ESRP2: variants seen among roughly 807,000 people sequenced by gnomAD.
ESRP2 encodes the protein epithelial splicing regulatory protein 2.
In ESRP2, 48 loss-of-function variants were observed where a neutral mutation model predicts 78.6. The observed-to-expected ratio is 0.61, with a 90% confidence interval of 0.48 to 0.78. The LOEUF is 0.78. ESRP2 is among the 30% of genes least tolerant of loss of function. The pLI is 0.00. For synonymous variants in ESRP2, 383 were observed against 406.7 expected (o/e 0.94, Z 0.70); for missense variants, 863 against 965.9 (o/e 0.89, Z 1.41).
chr16:68,234,763 T>G (rs1488083509), intron 2 of ESRP2: 1 of 152,200 alleles, frequency 6.6e-6, no homozygotes, highest in Non-Finnish European at 1.5e-5. Flanking sequence ...GAACCCTCCC[T>G]GCCAATTCTG....
chr16:68,233,968 C>G, intron 3 of ESRP2, 26 bp downstream of exon 3: 1 of 1,610,678 alleles, frequency 6.2e-7, no homozygotes. Context: ...CACCCCACCC[C>G]ACCCGGTTTT....
Position 68,232,873 on chromosome 16 carries a change from A to G in ESRP2, c.656-58T>C. The G allele has an allele frequency of 1.1e-5, 17 of 1,609,830 alleles. No individual in the cohort carries two copies. The highest frequency in any genetic ancestry group is 1.4e-5 in the Non-Finnish European group (16 of 1,176,702). On this transcript the variant is annotated intron_variant, in intron 5 of 14. Transcript: ENST00000473183. This position sits in a 1 kb window ranked among gnomAD's most constrained non-coding sequence, Gnocchi z 5.2. ...CTGGTGGAGAGGGGTGTCCCCACCA[A>G]GTTCTGCAAAAAGTGGACAATTGAG...
At chr16:68,233,110 A>G (rs2042168858) in intron 5 of ESRP2, 3 of 610,780 alleles carry the variant, frequency 4.9e-6, no homozygotes, top group Non-Finnish European at 8.6e-6. Flanking sequence ...TAGACAGGAG[A>G]ATCGCTTGAA....
Position 68,235,775 on chromosome 16 carries a change from G to A in ESRP2, c.199-13C>T. On this transcript the variant is annotated splice_polypyrimidine_tract_variant and intron_variant, in intron 1 of 14. Transcript: ENST00000473183. This position sits in a 1 kb window ranked among gnomAD's most constrained non-coding sequence, Gnocchi z 5.5. ...GCAGCGTCCCCACCTGTGAGCGGCG[G>A]GGGAAACCGATCAGCCGCGCCCCTC... 1 of 1,609,814 alleles carries A rather than the reference G, an allele frequency of 6.2e-7. No homozygotes were observed. The highest frequency in any genetic ancestry group is 8.5e-7 in the Non-Finnish European group (1 of 1,178,742).
chr16:68,230,488 G>A lies in ESRP2; in HGVS notation c.1965C>T (p.Pro655=). 1 of 1,611,096 alleles carries A rather than the reference G, an allele frequency of 6.2e-7. No individual in the cohort carries two copies. Among genetic ancestry groups the A allele is most frequent in the Non-Finnish European group, 8.5e-7 (1 of 1,178,278 alleles). The change falls in exon 14 of 15, where the codon CCC becomes CCT. Residue 655 remains proline, a synonymous_variant. Coordinates refer to ENST00000473183, the MANE Select transcript of ESRP2 (RefSeq NM_024939.3). ...TTPTAALASA[P]TSVLSQSGAL... ...CTCCTGACTGGGACAACACTGAGGTGGGAGCAGAGGCCAGGGCAGCAGTGG... is the reference window on the plus strand; with the variant it reads ...CTCCTGACTGGGACAACACTGAGGTAGGAGCAGAGGCCAGGGCAGCAGTGG...
intron 2 of ESRP2, chr16:68,234,401 A>C: frequency 9.5e-6 from 3 of 316,868 alleles, no homozygotes; most frequent in East Asian, 6.5e-5. Context: ...CAGAGCAAAC[A>C]CCTGGAGTGG....
Position 68,232,162 on chromosome 16 carries a change from A to G in ESRP2, c.998-59T>C. The stretch of plus-strand genomic sequence containing the variant: ...TGCTCCTCCAGACACTCACCCATGC[A>G]GGGGAGCAGGCAGGCAAGGGGTGGT... On this transcript the variant is annotated intron_variant, in intron 9 of 14. Transcript: ENST00000473183. This position sits in a 1 kb window ranked among gnomAD's most constrained non-coding sequence, Gnocchi z 5.2. 1.2e-6 allele frequency: 2 copies of G among 1,612,634 alleles called. No homozygotes were observed. Among genetic ancestry groups the G allele is most frequent in the Non-Finnish European group, 1.7e-6 (2 of 1,179,108 alleles).
intron 4 of ESRP2, 135 bp from the exon 5 acceptor site, chr16:68,233,560 A>G (rs1191758763): frequency 1.3e-6 from 1 of 776,902 alleles, no homozygotes; most frequent in Non-Finnish European, 2.2e-6. Context: ...TCATGTGTGC[A>G]CATACAGATT....
chr16:68,231,020 T>C lies in ESRP2; in HGVS notation c.1719A>G (p.Ser573=). 1 of 1,591,548 alleles carries C rather than the reference T, an allele frequency of 6.3e-7. No individual in the cohort carries two copies. Among genetic ancestry groups the C allele is most frequent in the East Asian group, 2.2e-5 (1 of 44,724 alleles). The change falls in exon 13 of 15, where the codon TCA becomes TCG. Residue 573 remains serine, a synonymous_variant. Coordinates refer to ENST00000473183, the MANE Select transcript of ESRP2 (RefSeq NM_024939.3). This position sits in a 1 kb window ranked among gnomAD's most constrained non-coding sequence, Gnocchi z 6.0. ...CTTGGAAGGTGGTGTAGGTAGGTGGTGAGAGGCCTAGAGACGGAAGTAGAA... is the reference window on the plus strand; with the variant it reads ...CTTGGAAGGTGGTGTAGGTAGGTGGCGAGAGGCCTAGAGACGGAAGTAGAA... ...SPPPCKLPCL[S]PPTYTTFQAT...
rs540156390 is a variant in ESRP2, at chr16:68,231,966, C to T, written c.1135G>A (p.Glu379Lys). 1.8e-5 allele frequency: 29 copies of T among 1,614,100 alleles called. No homozygotes were observed. The highest frequency in any genetic ancestry group is 1.1e-4 in the East Asian group (5 of 44,870). Residue 379 changes from glutamate to lysine, a missense_variant, in exon 10 of 15, where the codon GAG (glutamate) becomes AAG (lysine). Transcript: ENST00000473183. The surrounding 1 kb of genome is among the most constrained non-coding windows in gnomAD (Gnocchi z 6.0). ...GGATGGCGCACAAAGAGCAGCCCCT[C>T]GGTACCCCCAGTCACTGGGCACTCT... ...GPECPVTGGT[E>K]GLLFVRHPDG... is the part of the protein sequence containing the mutation.
Position 68,231,284 on chromosome 16 carries a change from C to T in ESRP2, c.1605G>A (p.Glu535=), listed in dbSNP as rs568451834. 1.2e-5 allele frequency: 19 copies of T among 1,614,148 alleles called. No individual in the cohort carries two copies. In the South Asian group the frequency reaches 1.6e-4, roughly 14 times the overall value. Reference sequence around the variant, plus strand: ...AACAGGGGACCACCTCCACGTAGCGCTCCTTCATCACCTTCTTATGGCAAC... The same window carrying T: ...AACAGGGGACCACCTCCACGTAGCGTTCCTTCATCACCTTCTTATGGCAAC... ...AQRCHKKVMK[E]RYVEVVPCST... Residue 535 remains glutamate (E), a synonymous_variant, in exon 12 of 15, where the codon GAG becomes GAA. Transcript: ENST00000473183. This position sits in a 1 kb window ranked among gnomAD's most constrained non-coding sequence, Gnocchi z 6.0.
rs199808836 is a variant in ESRP2 at position 68,231,030 on chromosome 16, A to G, written c.1712-3T>C. The G allele has an allele frequency of 5.9e-5, 93 of 1,589,138 alleles. 1 individual carries two copies. The Admixed American group carries it at 1.6e-3, about 27-fold the overall frequency. On this transcript the variant is annotated splice_polypyrimidine_tract_variant and splice_region_variant and intron_variant, in intron 12 of 14. Coordinates refer to ENST00000473183, the MANE Select transcript of ESRP2 (RefSeq NM_024939.3). The surrounding 1 kb of genome is among the most constrained non-coding windows in gnomAD (Gnocchi z 6.0). ...GGTGTAGGTAGGTGGTGAGAGGCCTAGAGACGGAAGTAGAAAGTGCATGTG... is the reference window on the plus strand; with the variant it reads ...GGTGTAGGTAGGTGGTGAGAGGCCTGGAGACGGAAGTAGAAAGTGCATGTG...
intron 13 of ESRP2, 36 bp from the exon 14 acceptor site, chr16:68,230,590 C>T (rs781480753): frequency 1.3e-6 from 2 of 1,531,780 alleles, no homozygotes; most frequent in East Asian, 4.5e-5. Context: ...TCATGCATGC[C>T]ACCTGTGGCC....
At chr16:68,230,815 G>A in intron 13 of ESRP2, 26 bp downstream of exon 13, 1 of 1,613,444 alleles carries the variant, frequency 6.2e-7, no homozygotes, top group East Asian at 2.2e-5. Context: ...GAGTGGGACT[G>A]TGATATTCTC....
In ESRP2 at chr16:68,230,949, G is replaced by GA. The variant is rs1191090902; in HGVS notation, c.1789dup (p.Ser597PhefsTer96). 6.2e-7 allele frequency: 1 copy of GA among 1,612,210 alleles called. No homozygotes were observed. The highest frequency in any genetic ancestry group is 8.5e-7 in the Non-Finnish European group (1 of 1,179,080). On this transcript the variant is annotated frameshift_variant, in exon 13 of 15. Transcript: ENST00000473183. LOFTEE classifies it high-confidence loss of function. ...CCTGGCAGCTGGGAGCAGTGCTGAAGAGGGGTATAGAGCTGCCGTCTCCGT... is the reference window on the plus strand; with the variant it reads ...CCTGGCAGCTGGGAGCAGTGCTGAAGAAGGGGTATAGAGCTGCCGTCTCCGT...
chr16:68,236,068 C>T lies in ESRP2; in HGVS notation c.-23G>A, dbSNP rs1169023363. On this transcript the variant is annotated 5_prime_UTR_variant, in exon 1 of 15. Transcript: ENST00000473183. The surrounding 1 kb of genome is among the most constrained non-coding windows in gnomAD (Gnocchi z 5.2). ...CATGGCCGCAGAGGAAGGGGGCTCT[C>T]GGCCAGACACGCGGACCGACGAGGC... 2 of 1,403,104 alleles carry T rather than the reference C, an allele frequency of 1.4e-6. No homozygotes were observed. The highest frequency in any genetic ancestry group is 1.8e-6 in the Non-Finnish European group (2 of 1,090,764). 86.9% of individuals were successfully genotyped at this position (1,403,104 alleles called of 1,614,324 possible). A position where few individuals can be genotyped will look rare whatever the true frequency, so the allele number is the denominator to read the frequency against.
In ESRP2 at chr16:68,230,555, C is replaced by CT; in HGVS notation, c.1899-2dup. The stretch of plus-strand genomic sequence containing the variant: ...CACAGTGGTGGGGGAGACTGGGGGG[C>CT]TAGGGTGGGAGAGACAAGGTTTAGT... On this transcript the variant is annotated splice_acceptor_variant, in intron 13 of 14. Coordinates refer to ENST00000473183, the MANE Select transcript of ESRP2 (RefSeq NM_024939.3). LOFTEE classifies it high-confidence loss of function. 6.4e-7 allele frequency: 1 copy of CT among 1,559,672 alleles called. No homozygotes were observed. Among genetic ancestry groups the CT allele is most frequent in the Non-Finnish European group, 8.7e-7 (1 of 1,151,664 alleles).
chr16:68,231,084 G>A lies in ESRP2; in HGVS notation c.1712-57C>T. ...GGAGCCCAGCACTGCCCTGGGTGGG[G>A]TAGCCAGAAAGGAGTCCCCGCTATA... is the stretch of plus-strand genomic sequence containing the variant. On this transcript the variant is annotated intron_variant, in intron 12 of 14. Transcript: ENST00000473183. This position sits in a 1 kb window ranked among gnomAD's most constrained non-coding sequence, Gnocchi z 6.0. The A allele has an allele frequency of 1.3e-6, 2 of 1,598,106 alleles. No individual in the cohort carries two copies. Among genetic ancestry groups the A allele is most frequent in the East Asian group, 4.5e-5 (2 of 44,646 alleles).
At position 68,235,735 on chromosome 16, in the gene ESRP2, G is replaced by T. The variant is rs774148847; in HGVS notation, c.226C>A (p.Arg76Ser). 6 of 1,608,084 alleles carry T rather than the reference G, an allele frequency of 3.7e-6. No homozygotes were observed. The highest frequency in any genetic ancestry group is 4.2e-6 in the Non-Finnish European group (5 of 1,179,004). Reference protein sequence around the residue: ...QVGTLHKSLVRAEAAALSTQC... With the variant: ...QVGTLHKSLVSAEAAALSTQC... The stretch of plus-strand genomic sequence containing the variant: ...GTACTCAGTGCGGCCGCCTCGGCAC[G>T]AACCAGCGATTTGTGCAGCGTCCCC... Residue 76 changes from arginine to serine, a missense_variant, in exon 2 of 15, where the codon CGT (arginine) becomes AGT (serine). Physicochemically the swap from Arg to Ser is moderately radical, Grantham distance 110. Transcript: ENST00000473183. This position sits in a 1 kb window ranked among gnomAD's most constrained non-coding sequence, Gnocchi z 5.5.
Sources: allele counts gnomAD v4.1 joint callset, GRCh38; gene constraint gnomAD v4.1.1; non-coding constraint Gnocchi (gnomAD v3.1); transcripts MANE v1.5; gene names NCBI Gene and HGNC (gene_info 2026-07-23, HGNC 2026-07-21).